CNBD1: variants seen among roughly 807,000 people sequenced by gnomAD.
CNBD1 encodes cyclic nucleotide-binding domain-containing protein 1.
Under a neutral mutation model 54.4 loss-of-function variants are expected in CNBD1, and 71 were observed. The ratio of observed to expected loss-of-function variants is 1.30; its 90% confidence interval spans 1.08 to 1.59. CNBD1 has a LOEUF of 1.59. Among genes scored for constraint, CNBD1 ranks in the 40% most tolerant of loss-of-function variants. The pLI is 0.00. For synonymous variants in CNBD1, 182 were observed against 170.7 expected (o/e 1.07, Z -0.51); for missense variants, 659 against 518.0 (o/e 1.27, Z -2.64).
chr8:87,383,798 G>T (rs1362390988), downstream of CNBD1, among the ~76,000 whole-genome samples: 1 of 152,054 alleles, frequency 6.6e-6, no homozygotes, highest in Non-Finnish European at 1.5e-5. Flanking sequence ...ACAACCTAAG[G>T]TTAGAAAAGA....
chr8:86,895,836 G>A (rs1220095210), intron 2 of CNBD1, among the ~76,000 whole-genome samples: 2 of 152,020 alleles, frequency 1.3e-5, no homozygotes, highest in Admixed American at 6.6e-5. Context: ...GTAGATTTTG[G>A]ATGCCAGCTA....
chr8:87,325,892 C>T (rs1413602339), intron 8 of CNBD1, among the ~76,000 whole-genome samples: 1 of 134,410 alleles, frequency 7.4e-6, no homozygotes, highest in African/African-American at 2.8e-5. Flanking sequence ...CAGTTTCTTC[C>T]TAGTCTCGAT....
chr8:87,004,202 G>T (rs1324199687), intron 4 of CNBD1, among the ~76,000 whole-genome samples: 2 of 152,136 alleles, frequency 1.3e-5, no homozygotes, highest in Non-Finnish European at 2.9e-5. Context: ...AAAACAGAGT[G>T]CCAGCATCTG....
intron 8 of CNBD1, among the ~76,000 whole-genome samples, chr8:87,305,008 C>T (rs1809111610): frequency 6.6e-6 from 1 of 151,994 alleles, no homozygotes; most frequent in African/African-American, 2.4e-5. Context: ...CCTTGAAAAC[C>T]CTAAGGATTC....
At chr8:87,280,768 G>C in intron 6 of CNBD1, among the ~76,000 whole-genome samples, 1 of 151,366 alleles carries the variant, frequency 6.6e-6, no homozygotes, top group East Asian at 1.9e-4. Context: ...TTCTTATTCA[G>C]AGGGAGATTG....
At chr8:86,935,017 GTTTATTTA>G (rs199778224) in intron 3 of CNBD1, among the ~76,000 whole-genome samples, 54 of 65,928 alleles carry the variant, frequency 8.2e-4, no homozygotes, top group East Asian at 3.1e-3. Flanking sequence ...TTGTTTGTTT[GTTTATTTA>G]TTTATTTATT....
At position 87,424,005 on chromosome 8, in the gene CNBD1, G is replaced by T. The variant is rs1415698196; in HGVS notation, c.214-4541G>T. Reference sequence around the variant, plus strand: ...GAACTTCTTCCTGGTTTAGTCTTGGGAGAGTGTATGTGTCAAGGAATTTAT... The same window carrying T: ...GAACTTCTTCCTGGTTTAGTCTTGGTAGAGTGTATGTGTCAAGGAATTTAT... On this transcript the variant is annotated intron_variant, in intron 2 of 7. Transcript: ENST00000521593. Among the ~76,000 whole-genome samples, 13 of 152,286 alleles carry T rather than the reference G, an allele frequency of 8.5e-5. 1 individual carries two copies. The highest frequency in any genetic ancestry group is 2.9e-4 in the African/African-American group (12 of 41,558).
At chr8:86,919,590 G>A (rs1226182568) in intron 3 of CNBD1, among the ~76,000 whole-genome samples, 1 of 152,150 alleles carries the variant, frequency 6.6e-6, no homozygotes, top group African/African-American at 2.4e-5. Context: ...CCTGAGTTAG[G>A]TTTCTGTTTG....
At chr8:87,340,432 G>T (rs1331293667) in intron 8 of CNBD1, among the ~76,000 whole-genome samples, 2 of 152,166 alleles carry the variant, frequency 1.3e-5, no homozygotes, top group Non-Finnish European at 2.9e-5. Context: ...GAATCTGGAT[G>T]TCCACTTCTT....
intron 4 of CNBD1, among the ~76,000 whole-genome samples, chr8:87,121,975 C>G (rs1811900185): frequency 6.6e-6 from 1 of 151,244 alleles, no homozygotes; most frequent in Non-Finnish European, 1.5e-5. Context: ...TGCTGATGAA[C>G]ACTTAGGTTG....
At chr8:87,372,486 T>G (rs1050399103) in intron 10 of CNBD1, among the ~76,000 whole-genome samples, 1 of 151,890 alleles carries the variant, frequency 6.6e-6, no homozygotes, top group African/African-American at 2.4e-5. Context: ...ATTTCCAAAT[T>G]TCTTCAGAAA....
At chr8:87,083,305 T>A (rs1403639649) in intron 4 of CNBD1, among the ~76,000 whole-genome samples, 1 of 152,196 alleles carries the variant, frequency 6.6e-6, no homozygotes, top group Non-Finnish European at 1.5e-5. Context: ...TTCCAGGCCC[T>A]CCTAATCCTG....
At chr8:87,219,409 A>C (rs1814278782) in intron 5 of CNBD1, among the ~76,000 whole-genome samples, 1 of 152,064 alleles carries the variant, frequency 6.6e-6, no homozygotes, top group Admixed American at 6.6e-5. Context: ...GTAAAGTCTT[A>C]CTGATAACAG....
intron 4 of CNBD1, among the ~76,000 whole-genome samples, chr8:87,160,092 C>G (rs964363851): frequency 2.0e-5 from 3 of 151,776 alleles, no homozygotes; most frequent in Non-Finnish European, 4.4e-5. Context: ...ATCAAGTAAA[C>G]TATAATTTTT....
At chr8:87,266,356 C>T (rs544043413) in intron 6 of CNBD1, among the ~76,000 whole-genome samples, 4 of 144,244 alleles carry the variant, frequency 2.8e-5, no homozygotes, top group African/African-American at 7.7e-5. Context: ...ATAATTAATA[C>T]TGGGCACTAG....
At chr8:87,328,051 G>A (rs973573280) in intron 8 of CNBD1, among the ~76,000 whole-genome samples, 1 of 151,952 alleles carries the variant, frequency 6.6e-6, no homozygotes, top group South Asian at 2.1e-4. Flanking sequence ...TATATACCAT[G>A]GTGGTTTGCT....
chr8:87,028,044 C>G (rs1251616970), intron 4 of CNBD1, among the ~76,000 whole-genome samples: 1 of 152,176 alleles, frequency 6.6e-6, no homozygotes, highest in East Asian at 1.9e-4. Context: ...CACACACACA[C>G]ACACAACACA....
intron 4 of CNBD1, among the ~76,000 whole-genome samples, chr8:87,058,151 A>G (rs1810462373): frequency 6.6e-6 from 1 of 152,208 alleles, no homozygotes; most frequent in African/African-American, 2.4e-5. Context: ...ATTAAACAAT[A>G]AAGTTCCAAA....
At chr8:87,226,249 GCT>G (rs1220825901) in intron 5 of CNBD1, among the ~76,000 whole-genome samples, 13 of 151,252 alleles carry the variant, frequency 8.6e-5, no homozygotes, top group Non-Finnish European at 1.9e-4. Flanking sequence ...CTTCAGTTCT[GCT>G]CTGATTTTAG....
Sources: gnomAD v4.1 joint callset for allele counts (sites outside exome capture counted in the v4.1 genomes callset) on GRCh38, gnomAD v4.1.1 for gene constraint, MANE v1.5 for transcripts, NCBI Gene and HGNC (gene_info 2026-07-23, HGNC 2026-07-21) for gene names.